Variants in BLACAT1 observed in about 807,000 individuals in gnomAD.
BLACAT1 encodes the protein BLACAT1 overlapping LEMD1 locus.
chr1:205,454,210 G>A (rs1439136278), intron 1 of BLACAT1, among the ~76,000 whole-genome samples: 1 of 152,242 alleles, frequency 6.6e-6, no homozygotes, highest in African/African-American at 2.4e-5. Flanking sequence ...AGGCAGTCCA[G>A]TGGGAAGACA....
chr1:205,445,845 C>T (rs770385444), intron 1 of BLACAT1, among the ~76,000 whole-genome samples: 40 of 152,092 alleles, frequency 2.6e-4, no homozygotes, highest in Admixed American at 2.4e-3. Flanking sequence ...GTCAAACTTT[C>T]GAAAGATGGG....
chr1:205,449,598 A>ACACAG (rs974143724), intron 1 of BLACAT1, among the ~76,000 whole-genome samples: 34 of 151,082 alleles, frequency 2.3e-4, no homozygotes, highest in African/African-American at 7.8e-4. Context: ...AGCACACAGC[A>ACACAG]CACAGCACAG....
downstream of BLACAT1, chr1:205,437,498 G>C (rs1340129665): frequency 6.6e-6 from 1 of 152,268 alleles, no homozygotes; most frequent in Non-Finnish European, 1.5e-5. Context: ...GCCCTGGCTA[G>C]GGGAAGATTC....
downstream of BLACAT1, chr1:205,436,728 T>C (rs1666213900): frequency 1.3e-5 from 2 of 152,154 alleles, no homozygotes; most frequent in African/African-American, 4.8e-5. Flanking sequence ...CTGCTGGACA[T>C]AGCAGCCACC....
intron 1 of BLACAT1, among the ~76,000 whole-genome samples, chr1:205,454,364 G>A (rs1666536549): frequency 6.6e-6 from 1 of 151,398 alleles, no homozygotes; most frequent in African/African-American, 2.4e-5. Context: ...TCCTCTTCAT[G>A]CCTTTAGGAT....
intron 1 of BLACAT1, among the ~76,000 whole-genome samples, chr1:205,443,550 C>G (rs1307193124): frequency 3.9e-5 from 6 of 152,130 alleles, no homozygotes; most frequent in Non-Finnish European, 7.4e-5. Context: ...TAGCCTGGCT[C>G]CCGAGAGGTG....
intron 1 of BLACAT1, among the ~76,000 whole-genome samples, chr1:205,453,815 CCA>C (rs1391774665): frequency 6.6e-6 from 1 of 152,124 alleles, no homozygotes; most frequent in Non-Finnish European, 1.5e-5. Context: ...AGGACCCAGG[CCA>C]CAGTTTTGCC....
intron 1 of BLACAT1, chr1:205,449,740 CCT>C (rs1266198341): frequency 2.0e-5 from 3 of 153,338 alleles, no homozygotes; most frequent in Non-Finnish European, 2.9e-5. Context: ...TCCTTTCCTT[CCT>C]CTCTCATGGG....
chr1:205,443,780 C>T (rs1481449807), intron 1 of BLACAT1, among the ~76,000 whole-genome samples: 1 of 152,200 alleles, frequency 6.6e-6, no homozygotes, highest in Non-Finnish European at 1.5e-5. Context: ...TGCAGATTGC[C>T]GGGCCAGCCC....
chr1:205,445,732 C>T (rs1666377739), intron 1 of BLACAT1, among the ~76,000 whole-genome samples: 1 of 152,172 alleles, frequency 6.6e-6, no homozygotes, highest in Admixed American at 6.5e-5. Flanking sequence ...TCGGCAGAGG[C>T]TGGCCCACCG....
At chr1:205,446,169 T>C (rs1348544357) in intron 1 of BLACAT1, among the ~76,000 whole-genome samples, 2 of 152,214 alleles carry the variant, frequency 1.3e-5, no homozygotes, top group African/African-American at 2.4e-5. Flanking sequence ...TCAATGCAAT[T>C]GAACAATCAT....
At chr1:205,440,117 C>T (rs566049743) in exon 2 of BLACAT1, among the ~76,000 whole-genome samples, 7 of 152,222 alleles carry the variant, frequency 4.6e-5, no homozygotes, top group East Asian at 1.9e-4. Context: ...AGGGAGGGCA[C>T]GGCTCAGTCC....
chr1:205,443,408 A>G (rs1224410662), intron 1 of BLACAT1, among the ~76,000 whole-genome samples: 1 of 152,172 alleles, frequency 6.6e-6, no homozygotes, highest in East Asian at 1.9e-4. Context: ...GGGGAATTTA[A>G]GAAAATCCTG....
intron 1 of BLACAT1, among the ~76,000 whole-genome samples, chr1:205,451,556 G>T (rs1340329347): frequency 1.3e-5 from 2 of 152,112 alleles, no homozygotes; most frequent in Admixed American, 6.5e-5. Context: ...GAGTTGGGGG[G>T]AGTGGTCGGG....
downstream of BLACAT1, chr1:205,435,561 T>C (rs2102457935): frequency 6.6e-6 from 1 of 152,290 alleles, no homozygotes. Flanking sequence ...GAAGTACTGG[T>C]TTCAATTCCC....
downstream of BLACAT1, chr1:205,437,918 T>C (rs2102461044): frequency 6.6e-6 from 1 of 152,308 alleles, no homozygotes; most frequent in South Asian, 2.1e-4. Context: ...AGTTAATTAT[T>C]GCTCTTTTTT....
At position 205,448,410 on chromosome 1, in the gene BLACAT1, C is replaced by T. The variant is rs1428764610; in HGVS notation, c.-36-7348G>A. On this transcript the variant is annotated intron_variant, in intron 1 of 1. Coordinates refer to ENST00000629624, the Ensembl canonical transcript of BLACAT1. The surrounding 1 kb of genome is among the most constrained non-coding windows in gnomAD (Gnocchi z 4.7). The stretch of plus-strand genomic sequence containing the variant: ...GCCACAGCAGAGTGGAGGGGTCCAG[C>T]GGCAGGAATCTCATAGGGAAGCGAG... The T allele has an allele frequency of 1.3e-5, 7 of 533,722 alleles. No homozygotes were observed. The highest frequency in any genetic ancestry group is 1.1e-4 in the East Asian group (2 of 18,352). 33.1% of individuals were successfully genotyped at this position (533,722 alleles called of 1,614,324 possible). A position where few individuals can be genotyped will look rare whatever the true frequency, so the allele number is the denominator to read the frequency against.
chr1:205,439,731 C>T (rs1032016142), downstream of BLACAT1, among the ~76,000 whole-genome samples: 2 of 152,176 alleles, frequency 1.3e-5, no homozygotes, highest in Non-Finnish European at 2.9e-5. Context: ...TGAGGGAGAA[C>T]AGGCTTACAG....
intron 1 of BLACAT1, among the ~76,000 whole-genome samples, chr1:205,452,450 T>A (rs993781892): frequency 4.6e-5 from 7 of 152,146 alleles, no homozygotes; most frequent in African/African-American, 1.7e-4. Flanking sequence ...AGGAAAGAAG[T>A]AGGACTGTTC....
Sources: gnomAD v4.1 joint callset for allele counts (sites outside exome capture counted in the v4.1 genomes callset) on GRCh38, gnomAD v4.1.1 for gene constraint, Gnocchi (gnomAD v3.1) non-coding constraint, MANE v1.5 for transcripts, NCBI Gene and HGNC (gene_info 2026-07-23, HGNC 2026-07-21) for gene names.